ECT2: variants seen among roughly 807,000 people sequenced by gnomAD.
ECT2 encodes protein ECT2.
ECT2 carries 61 observed loss-of-function variants against 116.9 expected under a neutral mutation model. The ratio of observed to expected loss-of-function variants is 0.52; its 90% CI spans 0.42 to 0.65. The LOEUF is 0.65. Among genes scored for constraint, ECT2 ranks in the 30% least tolerant of loss-of-function variants. The pLI, the probability that ECT2 is intolerant of heterozygous loss-of-function variation, is 0.00. For missense variants in ECT2, 937 were observed against 1,078.7 expected (o/e 0.87, Z 1.84); for synonymous variants, 358 against 346.4 (o/e 1.03, Z -0.37).
intron 6 of ECT2, among the ~76,000 whole-genome samples, chr3:172,759,331 G>A (rs1717748708): frequency 6.6e-6 from 1 of 152,066 alleles, no homozygotes. Flanking sequence ...TACCATATTG[G>A]CTACGTTGGT....
At chr3:172,756,412 C>T (rs1716999477) in intron 4 of ECT2, among the ~76,000 whole-genome samples, 2 of 151,882 alleles carry the variant, frequency 1.3e-5, no homozygotes, top group African/African-American at 4.8e-5. Context: ...TTTTTATATC[C>T]TACATTTGCC....
intron 13 of ECT2, among the ~76,000 whole-genome samples, chr3:172,773,687 C>T (rs973491992): frequency 1.3e-5 from 2 of 152,096 alleles, no homozygotes; most frequent in Non-Finnish European, 2.9e-5. Flanking sequence ...AATGACATTT[C>T]ATGACGAGCA....
At chr3:172,798,561 A>G (rs546530838) in intron 18 of ECT2, among the ~76,000 whole-genome samples, 2 of 152,310 alleles carry the variant, frequency 1.3e-5, no homozygotes, top group East Asian at 3.9e-4. Context: ...TGAATAACTG[A>G]TGAAGATAAT....
At chr3:172,752,079 G>A (rs1715977309) in intron 1 of ECT2, 1 of 150,966 alleles carries the variant, frequency 6.6e-6, no homozygotes, top group Admixed American at 6.6e-5. Context: ...CATTTGCTGT[G>A]CTCCCTCTTA....
chr3:172,812,151 T>G (rs1728876468), intron 22 of ECT2, among the ~76,000 whole-genome samples: 1 of 152,018 alleles, frequency 6.6e-6, no homozygotes, highest in Admixed American at 6.6e-5. Flanking sequence ...GCCCGGCTAA[T>G]TTTTGTATTT....
chr3:172,754,390 G>A, intron 1 of ECT2, 119 bp from the exon 2 acceptor site: 2 of 683,332 alleles, frequency 2.9e-6, no homozygotes, highest in Admixed American at 3.6e-5. Context: ...ACTTTCTTTG[G>A]TTCATTAAAA....
In ECT2 at chr3:172,794,961, C is replaced by T. The variant is rs1004692156; in HGVS notation, c.1908-7655C>T. Among the ~76,000 whole-genome samples, 3 of 152,160 alleles carry T rather than the reference C, an allele frequency of 2.0e-5. No homozygotes were observed. The South Asian group carries it at 6.2e-4, about 32-fold the overall frequency. On this transcript the variant is annotated intron_variant, in intron 18 of 24. Coordinates refer to ENST00000392692, the MANE Select transcript of ECT2 (RefSeq NM_001258315.2). ...TCCTGACCTCAGATGATCCACCCAC[C>T]TTGGCCTCCCAAAGTTCTTCGATTA...
chr3:172,793,339 AT>A (rs1473921223), intron 18 of ECT2, among the ~76,000 whole-genome samples: 1 of 151,212 alleles, frequency 6.6e-6, no homozygotes, highest in Non-Finnish European at 1.5e-5. Context: ...TAATTTTTGT[AT>A]TTTTAGTAGA....
At chr3:172,787,987 A>G (rs1723911741) in intron 18 of ECT2, among the ~76,000 whole-genome samples, 1 of 152,222 alleles carries the variant, frequency 6.6e-6, no homozygotes, top group Non-Finnish European at 1.5e-5. Flanking sequence ...TCAGTAAGAC[A>G]TTAAGTTTCT....
chr3:172,766,283 A>C (rs1719367493), intron 12 of ECT2, among the ~76,000 whole-genome samples: 1 of 152,230 alleles, frequency 6.6e-6, no homozygotes, highest in Non-Finnish European at 1.5e-5. Flanking sequence ...TTTGCTTGGA[A>C]TGTGGAGGAA....
At chr3:172,774,256 G>A (rs1721234337) in intron 14 of ECT2, among the ~76,000 whole-genome samples, 1 of 152,114 alleles carries the variant, frequency 6.6e-6, no homozygotes, top group Non-Finnish European at 1.5e-5. Context: ...TTAGTGCATT[G>A]ATGTGATCTG....
chr3:172,775,280 A>T (rs1721442570), intron 14 of ECT2, among the ~76,000 whole-genome samples: 1 of 152,226 alleles, frequency 6.6e-6, no homozygotes, highest in South Asian at 2.1e-4. Flanking sequence ...AACCAATCGG[A>T]ATTACAGGAT....
rs765019478 is a variant in ECT2 at position 172,816,736 on chromosome 3, C to T, written c.2554C>T (p.Arg852Ter). The change falls in exon 24 of 25, where the codon CGA becomes TGA. Residue 852 changes from arginine to a stop codon, truncating the protein, a stop_gained. Coordinates refer to ENST00000392692, the MANE Select transcript of ECT2 (RefSeq NM_001258315.2). LOFTEE classifies it high-confidence loss of function. ...SFSKTPKRAL[R>*]RALMTSHGSV... Reference sequence around the variant, plus strand: ...CTCCAAAACTCCAAAAAGAGCTCTTCGAAGGGCTCTTATGACATCCCACGG... The same window carrying T: ...CTCCAAAACTCCAAAAAGAGCTCTTTGAAGGGCTCTTATGACATCCCACGG... 8.1e-6 allele frequency: 13 copies of T among 1,607,282 alleles called. No homozygotes were observed. The highest frequency in any genetic ancestry group is 1.3e-5 in the African/African-American group (1 of 74,754).
chr3:172,817,900 A>G (rs1017583175), intron 24 of ECT2, among the ~76,000 whole-genome samples: 1 of 152,100 alleles, frequency 6.6e-6, no homozygotes, highest in Non-Finnish European at 1.5e-5. Flanking sequence ...TAGTGTTCAA[A>G]TCCTTGCTCT....
intron 18 of ECT2, among the ~76,000 whole-genome samples, chr3:172,791,574 C>T (rs1724679802): frequency 6.6e-6 from 1 of 152,210 alleles, no homozygotes; most frequent in Admixed American, 6.5e-5. Flanking sequence ...TCTTAAACTT[C>T]CATGAACCAA....
intron 24 of ECT2, chr3:172,818,348 G>A (rs1376906906): frequency 5.3e-6 from 1 of 189,576 alleles, no homozygotes; most frequent in African/African-American, 2.4e-5. Flanking sequence ...TTAGATTATA[G>A]CTTTCTCGAA....
chr3:172,777,353 G>A (rs1313569406), intron 14 of ECT2, among the ~76,000 whole-genome samples: 2 of 151,856 alleles, frequency 1.3e-5, no homozygotes, highest in South Asian at 2.1e-4. Context: ...GATTACTTTC[G>A]GTAAATGTTT....
intron 18 of ECT2, among the ~76,000 whole-genome samples, chr3:172,797,041 T>TGTGTGTGTGTGTGTGTGA (rs1553766479): frequency 4.0e-5 from 6 of 151,576 alleles, no homozygotes; most frequent in African/African-American, 1.5e-4. Flanking sequence ...TGTGTGTGTG[T>TGTGTGTGTGTGTGTGTGA]GTGTGTGTGT....
At chr3:172,762,623 C>T (rs1163956624) in intron 9 of ECT2, 68 bp from the exon 10 acceptor site, 1 of 1,577,444 alleles carries the variant, frequency 6.3e-7, no homozygotes, top group African/African-American at 1.4e-5. Flanking sequence ...GTCAATATAC[C>T]TCTTAAAAAA....
Sources: gnomAD v4.1 joint callset for allele counts (sites outside exome capture counted in the v4.1 genomes callset) on GRCh38, gnomAD v4.1.1 for gene constraint, MANE v1.5 for transcripts, NCBI Gene and HGNC (gene_info 2026-07-23, HGNC 2026-07-21) for gene names.